SND1: variants seen among roughly 807,000 people sequenced by gnomAD.
SND1 encodes staphylococcal nuclease domain-containing protein 1.
A neutral mutation model predicts 121.7 loss-of-function variants in SND1; 38 were observed. The observed-to-expected ratio is 0.31, with a 90% CI of 0.24 to 0.41. The LOEUF is 0.41. Ranked by LOEUF, SND1 falls within the 10% of genes least tolerant of loss-of-function variation. The pLI is 1.00. For synonymous variants in SND1, 401 were observed against 447.4 expected, an observed-to-expected ratio of 0.90 and a Z score of 1.31; for missense variants, 868 against 1,184.6, an observed-to-expected ratio of 0.73 and a Z score of 3.92.
intron 11 of SND1, among the ~76,000 whole-genome samples, chr7:127,843,013 A>G (rs1042407520): frequency 6.6e-6 from 1 of 152,198 alleles, no homozygotes; most frequent in Admixed American, 6.5e-5. Flanking sequence ...TCTTCTCTGT[A>G]AAGTAAAATT....
Position 127,733,611 on chromosome 7 carries a change from C to G in SND1, c.1152+12211C>G, listed in dbSNP as rs150314638. Reference sequence around the variant, plus strand: ...TTGATTGTTAACTGTTAGATAGATTCACTGCAAATATGGCTGCCCAACATT... The same window carrying G: ...TTGATTGTTAACTGTTAGATAGATTGACTGCAAATATGGCTGCCCAACATT... On this transcript the variant is annotated intron_variant, in intron 10 of 23. Coordinates refer to ENST00000354725, the MANE Select transcript of SND1 (RefSeq NM_014390.4). 2.7e-3 allele frequency among the ~76,000 whole-genome samples: 411 copies of G among 152,314 alleles called. 2 individuals are homozygous for G. Among genetic ancestry groups the G allele is most frequent in the African/African-American group, 9.4e-3 (389 of 41,568 alleles).
intron 9 of SND1, among the ~76,000 whole-genome samples, chr7:127,712,128 A>G (rs1193872894): frequency 6.6e-6 from 1 of 152,058 alleles, no homozygotes. Context: ...TTTAGAAGCA[A>G]TGACCCTAGT....
chr7:127,731,808 C>T (rs1796680865), intron 10 of SND1, among the ~76,000 whole-genome samples: 1 of 152,224 alleles, frequency 6.6e-6, no homozygotes, highest in African/African-American at 2.4e-5. Context: ...CACTGGGGCT[C>T]TGCTGGAGAG....
chr7:127,652,600 A>G, intron 1 of SND1, 149 bp downstream of exon 1: 1 of 680,766 alleles, frequency 1.5e-6, no homozygotes, highest in Non-Finnish European at 2.5e-6. Context: ...GAATCCTCTC[A>G]CTAGACGGAA....
intron 12 of SND1, among the ~76,000 whole-genome samples, chr7:127,876,623 T>C (rs1048899950): frequency 6.6e-6 from 1 of 152,198 alleles, no homozygotes; most frequent in Non-Finnish European, 1.5e-5. Flanking sequence ...CAAATTCACA[T>C]GTCCTGCAGA....
In SND1 at chr7:128,085,399, T is replaced by G. The variant is rs116566152; in HGVS notation, c.2235-312T>G. 7.3e-3 allele frequency among the ~76,000 whole-genome samples: 1,119 copies of G among 152,294 alleles called. 16 individuals are homozygous for G. The highest frequency in any genetic ancestry group is 0.025 in the African/African-American group (1,019 of 41,576). ...AGATCTGCTGGCTAATTACAGCTGC[T>G]GTTTAGTGCACTGGGTTTAAACAGC... On this transcript the variant is annotated intron_variant, in intron 19 of 23. Transcript: ENST00000354725. The surrounding 1 kb of genome is among the most constrained non-coding windows in gnomAD (Gnocchi z 4.4).
intron 12 of SND1, among the ~76,000 whole-genome samples, chr7:127,869,429 C>A (rs1480358605): frequency 6.6e-6 from 1 of 152,172 alleles, no homozygotes; most frequent in African/African-American, 2.4e-5. Flanking sequence ...CAAGTTTTGT[C>A]TACTTTGACC....
In SND1 at chr7:128,029,660, G is replaced by A. The variant is rs1563094386; in HGVS notation, c.1779+38604G>A. On this transcript the variant is annotated intron_variant, in intron 16 of 23. Coordinates refer to ENST00000354725, the MANE Select transcript of SND1 (RefSeq NM_014390.4). The surrounding 1 kb of genome is among the most constrained non-coding windows in gnomAD (Gnocchi z 4.2). ...GCATGTGCATGGGAGCATGACAGCG[G>A]CCACAGCAGGTGGAATTGGTGGGTA... 6 of 1,613,932 alleles carry A rather than the reference G, an allele frequency of 3.7e-6. No homozygotes were observed. The highest frequency in any genetic ancestry group is 2.2e-5 in the East Asian group (1 of 44,886).
chr7:128,050,053 T>A (rs1453403509), intron 16 of SND1, among the ~76,000 whole-genome samples: 1 of 152,176 alleles, frequency 6.6e-6, no homozygotes, highest in Non-Finnish European at 1.5e-5. Context: ...CATGGTTGTT[T>A]CCACTGGGTT....
intron 10 of SND1, among the ~76,000 whole-genome samples, chr7:127,758,169 A>G (rs1327371112): frequency 6.6e-6 from 1 of 152,220 alleles, no homozygotes; most frequent in East Asian, 1.9e-4. Context: ...AAGTCTAAGC[A>G]TTTTTAAACA....
chr7:127,832,021 T>C (rs955919432), intron 11 of SND1, among the ~76,000 whole-genome samples: 12 of 152,228 alleles, frequency 7.9e-5, no homozygotes, highest in Non-Finnish European at 1.8e-4. Context: ...ATTGTTCATT[T>C]GCCTTTCTCT....
chr7:127,839,631 C>T (rs1798927916), intron 11 of SND1, among the ~76,000 whole-genome samples: 1 of 152,128 alleles, frequency 6.6e-6, no homozygotes, highest in Admixed American at 6.5e-5. Context: ...CCAGACTTTA[C>T]AAGCAATTAA....
intron 12 of SND1, among the ~76,000 whole-genome samples, chr7:127,850,726 A>G (rs1220553468): frequency 6.6e-6 from 1 of 152,242 alleles, no homozygotes; most frequent in African/African-American, 2.4e-5. Context: ...TCTGGAAATC[A>G]TAGGCTGCTG....
intron 15 of SND1, among the ~76,000 whole-genome samples, chr7:127,962,930 G>A (rs1000371384): frequency 6.6e-6 from 1 of 152,190 alleles, no homozygotes; most frequent in Non-Finnish European, 1.5e-5. Context: ...CAGTTCAAAT[G>A]ACTCCATGAT....
At chr7:127,731,717 T>G (rs1796679717) in intron 10 of SND1, among the ~76,000 whole-genome samples, 1 of 152,204 alleles carries the variant, frequency 6.6e-6, no homozygotes, top group African/African-American at 2.4e-5. Flanking sequence ...GCTCCTCCAG[T>G]GAGAAGCCAG....
At chr7:127,738,484 G>C (rs1050316377) in intron 10 of SND1, among the ~76,000 whole-genome samples, 6 of 151,936 alleles carry the variant, frequency 3.9e-5, no homozygotes, top group African/African-American at 1.2e-4. Context: ...TCACCACGTT[G>C]GCCAGGCTGG....
chr7:127,963,080 C>T (rs1276842161), intron 15 of SND1, among the ~76,000 whole-genome samples: 2 of 152,020 alleles, frequency 1.3e-5, no homozygotes, highest in African/African-American at 4.8e-5. Flanking sequence ...TGTTAAACAG[C>T]CTTTGGCTAA....
At chr7:127,767,073 G>GA (rs1797435870) in intron 10 of SND1, among the ~76,000 whole-genome samples, 1 of 151,960 alleles carries the variant, frequency 6.6e-6, no homozygotes. Context: ...TATATCTAGG[G>GA]TACAAAGTGG....
intron 12 of SND1, among the ~76,000 whole-genome samples, chr7:127,874,432 G>A (rs989756605): frequency 1.3e-5 from 2 of 152,102 alleles, no homozygotes; most frequent in African/African-American, 2.4e-5. Context: ...TGAGGTTACT[G>A]ACTTGAGTCC....
Sources: gnomAD v4.1 joint callset for allele counts (sites outside exome capture counted in the v4.1 genomes callset) on GRCh38, gnomAD v4.1.1 for gene constraint, Gnocchi (gnomAD v3.1) non-coding constraint, MANE v1.5 for transcripts, NCBI Gene and HGNC (gene_info 2026-07-23, HGNC 2026-07-21) for gene names.